Variants in ZMIZ1 observed in about 807,000 individuals in gnomAD.
The protein encoded by ZMIZ1 is zinc finger MIZ domain-containing protein 1.
ZMIZ1 carries 17 observed loss-of-function variants against 113.9 expected under a neutral mutation model. The ratio of observed to expected loss-of-function variants is 0.15; its 90% CI spans 0.10 to 0.22. The LOEUF is 0.22. Among genes scored for constraint, ZMIZ1 ranks in the 10% least tolerant of loss-of-function variants. ZMIZ1 has a pLI of 1.00. For synonymous variants in ZMIZ1, 607 were observed against 603.1 expected, an observed-to-expected ratio of 1.01 and a Z score of -0.09; for missense variants, 1,059 against 1,477.8, an observed-to-expected ratio of 0.72 and a Z score of 4.65.
chr10:79,139,672 G>T lies in ZMIZ1; in HGVS notation c.-226-10G>T, dbSNP rs983411330. Reference sequence around the variant, plus strand: ...CTCACACACGTCTCATCTCTCCCCTGTGTACCCAGGAGGAAGAGGAGGAGG... The same window carrying T: ...CTCACACACGTCTCATCTCTCCCCTTTGTACCCAGGAGGAAGAGGAGGAGG... On this transcript the variant is annotated splice_polypyrimidine_tract_variant and intron_variant, in intron 2 of 24. Coordinates refer to ENST00000334512, the MANE Select transcript of ZMIZ1 (RefSeq NM_020338.4). 3 of 398,658 alleles carry T rather than the reference G, an allele frequency of 7.5e-6. No individual in the cohort carries two copies. The highest frequency in any genetic ancestry group is 4.1e-5 in the African/African-American group (2 of 48,632). 24.7% of individuals were successfully genotyped at this position (398,658 alleles called of 1,614,324 possible).
At position 79,249,134 on chromosome 10, in the gene ZMIZ1, C is replaced by G. The variant is rs56369843; in HGVS notation, c.281-28047C>G. Among the ~76,000 whole-genome samples, 239 of 152,306 alleles carry G rather than the reference C, an allele frequency of 1.6e-3. 2 individuals carry two copies. The highest frequency in any genetic ancestry group is 5.6e-3 in the African/African-American group (234 of 41,544). ...GAAGGAAAAAGGAAGCCCAAGGAGC[C>G]CTTTTTCCTGCCTCTCACTTCTGCT... On this transcript the variant is annotated intron_variant, in intron 7 of 24. Transcript: ENST00000334512.
chr10:79,097,609 G>T (rs1459454733), intron 1 of ZMIZ1, among the ~76,000 whole-genome samples: 1 of 152,208 alleles, frequency 6.6e-6, no homozygotes. Flanking sequence ...ATTAATGTTG[G>T]TAATACAGTG....
intron 1 of ZMIZ1, among the ~76,000 whole-genome samples, chr10:79,102,563 C>G (rs1843403569): frequency 6.6e-6 from 1 of 152,214 alleles, no homozygotes; most frequent in Admixed American, 6.5e-5. Context: ...TTTCAAGTTG[C>G]AACAGAAATA....
intron 8 of ZMIZ1, among the ~76,000 whole-genome samples, 190 bp from the exon 9 acceptor site, chr10:79,289,585 C>T (rs558437103): frequency 6.6e-6 from 1 of 152,214 alleles, no homozygotes; most frequent in Admixed American, 6.5e-5. Context: ...TTCTGAACAG[C>T]CTGTCACCAT....
At chr10:79,197,403 C>G (rs1847873497) in intron 4 of ZMIZ1, among the ~76,000 whole-genome samples, 1 of 152,176 alleles carries the variant, frequency 6.6e-6, no homozygotes, top group South Asian at 2.1e-4. Flanking sequence ...CTGTCTTGCT[C>G]CTGCTCTGGG....
intron 7 of ZMIZ1, among the ~76,000 whole-genome samples, chr10:79,238,872 A>G (rs1484919933): frequency 6.6e-6 from 1 of 152,184 alleles, no homozygotes; most frequent in Non-Finnish European, 1.5e-5. Flanking sequence ...GTGCCTGCCA[A>G]CCAGCAAGCT....
At chr10:79,305,046 G>T in intron 19 of ZMIZ1, 118 bp from the exon 20 acceptor site, 1 of 1,167,748 alleles carries the variant, frequency 8.6e-7, no homozygotes, top group Non-Finnish European at 1.3e-6. Context: ...CCAGCCCGGG[G>T]TTTCTCCCAC....
At chr10:79,297,291 T>G (rs1853963075) in intron 13 of ZMIZ1, among the ~76,000 whole-genome samples, 1 of 152,272 alleles carries the variant, frequency 6.6e-6, no homozygotes, top group African/African-American at 2.4e-5. Context: ...GAAGACACTT[T>G]ATTATTTTAC....
intron 1 of ZMIZ1, among the ~76,000 whole-genome samples, chr10:79,085,272 C>T (rs1842772543): frequency 6.7e-6 from 1 of 149,484 alleles, no homozygotes; most frequent in Admixed American, 6.7e-5. Flanking sequence ...AGCACCTGGG[C>T]AGGCTGGTTC....
At chr10:79,181,600 C>G (rs1847124427) in intron 4 of ZMIZ1, among the ~76,000 whole-genome samples, 1 of 152,184 alleles carries the variant, frequency 6.6e-6, no homozygotes, top group African/African-American at 2.4e-5. Flanking sequence ...GCTTATAGCT[C>G]CCCAAACCCC....
At chr10:79,105,491 G>A (rs1016912021) in intron 1 of ZMIZ1, among the ~76,000 whole-genome samples, 14 of 152,346 alleles carry the variant, frequency 9.2e-5, no homozygotes, top group East Asian at 1.9e-4. Flanking sequence ...AAAAGTGACC[G>A]TTGGCATTCA....
rs1842166276 is a variant in ZMIZ1 at position 79,069,343 on chromosome 10, G to A, written c.-337+73G>A. On this transcript the variant is annotated intron_variant, in intron 1 of 24. Transcript: ENST00000334512. This position sits in a 1 kb window ranked among gnomAD's most constrained non-coding sequence, Gnocchi z 4.6. The stretch of plus-strand genomic sequence containing the variant: ...CCCGCTCCCCGGGGACTCTCGGGGT[G>A]CAAGCGTGGGGATTGGGTGCTGGGG... 6.6e-6 allele frequency: 1 copy of A among 150,572 alleles called. No homozygotes were observed. The highest frequency in any genetic ancestry group is 2.4e-5 in the African/African-American group (1 of 41,246). The allele number at this position is 150,572 out of a possible 1,614,324, so 9.3% of individuals were successfully genotyped here.
intron 15 of ZMIZ1, among the ~76,000 whole-genome samples, 173 bp from the exon 16 acceptor site, chr10:79,298,877 C>G (rs1172358232): frequency 1.3e-5 from 2 of 151,946 alleles, no homozygotes; most frequent in Non-Finnish European, 2.9e-5. Flanking sequence ...CGTGTAGAAT[C>G]GAAGAAGCCA....
At chr10:79,220,526 G>A (rs111538613) in intron 7 of ZMIZ1, among the ~76,000 whole-genome samples, 74 of 152,278 alleles carry the variant, frequency 4.9e-4, no homozygotes, top group African/African-American at 1.7e-3. Context: ...CAGCCCCCAA[G>A]CCCCTTCAGC....
At chr10:79,287,906 A>G (rs1360453576) in intron 8 of ZMIZ1, among the ~76,000 whole-genome samples, 1 of 152,214 alleles carries the variant, frequency 6.6e-6, no homozygotes, top group Non-Finnish European at 1.5e-5. Flanking sequence ...AAAAAAATAT[A>G]TAATTAGGAC....
At chr10:79,157,142 C>T (rs1845930669) in intron 3 of ZMIZ1, among the ~76,000 whole-genome samples, 1 of 150,170 alleles carries the variant, frequency 6.7e-6, no homozygotes, top group African/African-American at 2.4e-5. Flanking sequence ...TAGGGGACTG[C>T]GGCTCCTGTT....
At chr10:79,214,592 C>A (rs115387831) in intron 6 of ZMIZ1, among the ~76,000 whole-genome samples, 2,141 of 152,264 alleles carry the variant, frequency 0.014, 46 homozygotes, top group African/African-American at 0.049. Flanking sequence ...AGATTTAAGG[C>A]AGGCGTGGGG....
At chr10:79,274,286 C>G (rs893289963) in intron 7 of ZMIZ1, among the ~76,000 whole-genome samples, 1 of 152,252 alleles carries the variant, frequency 6.6e-6, no homozygotes, top group Non-Finnish European at 1.5e-5. Flanking sequence ...GCCATTCTAG[C>G]AAGTGCACAG....
Position 79,221,160 on chromosome 10 carries a change from C to A in ZMIZ1, c.280+4886C>A, listed in dbSNP as rs1276571535. Among the ~76,000 whole-genome samples the A allele has an allele frequency of 2.6e-5, 4 of 152,310 alleles. No individual in the cohort carries two copies. The East Asian group carries it at 7.7e-4, about 29-fold the overall frequency. On this transcript the variant is annotated intron_variant, in intron 7 of 24. Coordinates refer to ENST00000334512, the MANE Select transcript of ZMIZ1 (RefSeq NM_020338.4). ...GGAGGCCAGGCCAGCCAAGGAGGGCCAGGATGAGATCATGCAGTGAGTGAG... is the reference window on the plus strand; with the variant it reads ...GGAGGCCAGGCCAGCCAAGGAGGGCAAGGATGAGATCATGCAGTGAGTGAG...
Sources: allele counts gnomAD v4.1 joint callset (sites outside exome capture counted in the v4.1 genomes callset), GRCh38; gene constraint gnomAD v4.1.1; non-coding constraint Gnocchi (gnomAD v3.1); transcripts MANE v1.5; gene names NCBI Gene and HGNC (gene_info 2026-07-23, HGNC 2026-07-21).